The following SEMA4C variants were observed in gnomAD, a reference collection of about 807,000 sequenced individuals.
SEMA4C encodes the protein semaphorin 4C, also known as semaphorin-4C.
Under a neutral mutation model 89.0 loss-of-function variants are expected in SEMA4C, and 19 were observed. That is an observed-to-expected ratio of 0.21 (90% CI 0.15 to 0.31). The LOEUF (loss-of-function observed/expected upper bound fraction) is 0.31, where lower values mean the gene tolerates loss of function less well. Ranked by LOEUF, SEMA4C falls within the 10% of genes least tolerant of loss-of-function variation. The pLI is 1.00. For synonymous variants in SEMA4C, 428 were observed against 472.7 expected, an observed-to-expected ratio of 0.91 and a Z score of 1.23; for missense variants, 811 against 1,107.0, an observed-to-expected ratio of 0.73 and a Z score of 3.79.
At position 96,862,014 on chromosome 2, in the gene SEMA4C, G is replaced by A. The variant is rs536446065; in HGVS notation, c.1444-120C>T. On this transcript the variant is annotated intron_variant, in intron 12 of 14. Coordinates refer to ENST00000305476, the MANE Select transcript of SEMA4C (RefSeq NM_017789.5). ...TCCTGCAGGGGGCACAGCACGGGGC[G>A]CCAGAAGGAGGAACAAGGGAACAAG... The A allele has an allele frequency of 1.8e-3, 1,914 of 1,080,248 alleles. 7 individuals are homozygous for A. The highest frequency in any genetic ancestry group is 7.2e-3 in the Middle Eastern group (24 of 3,338). 66.9% of individuals were successfully genotyped at this position (1,080,248 alleles called of 1,614,324 possible). A position where few individuals can be genotyped will look rare whatever the true frequency, so the allele number is the denominator to read the frequency against.
upstream of SEMA4C, chr2:96,870,482 G>C: frequency 1.0e-6 from 1 of 957,698 alleles, no homozygotes; most frequent in South Asian, 4.8e-5. Flanking sequence ...GCCACGTCGA[G>C]GCGAGTATCC....
At chr2:96,867,688 C>T (rs2080112149) in intron 2 of SEMA4C, 90 bp downstream of exon 2, 1 of 1,295,470 alleles carries the variant, frequency 7.7e-7, no homozygotes, top group South Asian at 1.2e-5. Flanking sequence ...GAAAGCTGTG[C>T]CACACACGTG....
rs200653413 is a variant in SEMA4C at position 96,863,637 on chromosome 2, T to C, written c.1443+45A>G. 1.4e-5 allele frequency: 22 copies of C among 1,545,840 alleles called. No individual in the cohort carries two copies. The East Asian group carries it at 4.7e-4, about 33-fold the overall frequency. ...AAGCAGCCAGATGGAGAGAGTGAGA[T>C]GGGATAGTGCTGGGGACAGTGGCAG... On this transcript the variant is annotated intron_variant, in intron 12 of 14. Coordinates refer to ENST00000305476, the MANE Select transcript of SEMA4C (RefSeq NM_017789.5).
At chr2:96,867,695 C>T in intron 2 of SEMA4C, 83 bp downstream of exon 2, 6 of 1,341,566 alleles carry the variant, frequency 4.5e-6, no homozygotes, top group South Asian at 3.6e-5. Flanking sequence ...GTGCCACACA[C>T]GTGAGAATAA....
rs781126171 is a variant in SEMA4C, at chr2:96,864,890, G to A, written c.787-10C>T. 2.2e-5 allele frequency: 36 copies of A among 1,612,346 alleles called. No individual in the cohort carries two copies. Among genetic ancestry groups the A allele is most frequent in the South Asian group, 4.4e-5 (4 of 90,988 alleles). On this transcript the variant is annotated splice_polypyrimidine_tract_variant and intron_variant, in intron 8 of 14. Transcript: ENST00000305476. This position sits in a 1 kb window ranked among gnomAD's most constrained non-coding sequence, Gnocchi z 6.3. Reference sequence around the variant, plus strand: ...CGCCCCCCATATCGCCCTGGCAGACGGCAAGGGGACACTGCCGGTCAGCCC... The same window carrying A: ...CGCCCCCCATATCGCCCTGGCAGACAGCAAGGGGACACTGCCGGTCAGCCC...
At position 96,864,885 on chromosome 2, in the gene SEMA4C, C is replaced by A; in HGVS notation, c.787-5G>T. 1 of 1,612,494 alleles carries A rather than the reference C, an allele frequency of 6.2e-7. No individual in the cohort carries two copies. The highest frequency in any genetic ancestry group is 2.2e-5 in the East Asian group (1 of 44,856). ...CCGTGCGCCCCCCATATCGCCCTGG[C>A]AGACGGCAAGGGGACACTGCCGGTC... On this transcript the variant is annotated splice_region_variant and splice_polypyrimidine_tract_variant and intron_variant, in intron 8 of 14. Coordinates refer to ENST00000305476, the MANE Select transcript of SEMA4C (RefSeq NM_017789.5). The surrounding 1 kb of genome is among the most constrained non-coding windows in gnomAD (Gnocchi z 6.3).
At chr2:96,870,210 G>T, upstream of SEMA4C, 1 of 985,090 alleles carries the variant, frequency 1.0e-6, no homozygotes. Context: ...GGACCCGCCC[G>T]CTCTCCGCCC....
At chr2:96,869,033 G>A (rs902275272) in intron 1 of SEMA4C, 5 of 985,316 alleles carry the variant, frequency 5.1e-6, no homozygotes, top group East Asian at 1.1e-4. Context: ...CCCAGCTCCA[G>A]GGATTTGAAC....
intron 7 of SEMA4C, 30 bp downstream of exon 7, chr2:96,865,174 A>G (rs777510123): frequency 3.1e-6 from 5 of 1,609,184 alleles, no homozygotes; most frequent in Admixed American, 3.4e-5. Context: ...CCTCCCACCC[A>G]TGGCTCCCAC....
At chr2:96,865,406 G>C in intron 6 of SEMA4C, 35 bp downstream of exon 6, 1 of 1,610,772 alleles carries the variant, frequency 6.2e-7, no homozygotes, top group Non-Finnish European at 8.5e-7. Flanking sequence ...AAGCCCCAAG[G>C]ACTCACCCAG....
At chr2:96,868,279 G>T in intron 1 of SEMA4C, 1 of 480,918 alleles carries the variant, frequency 2.1e-6, no homozygotes, top group African/African-American at 2.0e-5. Flanking sequence ...TGAGTTTCTT[G>T]AAAGAACCTC....
rs746525387 is a variant in SEMA4C at position 96,860,495 on chromosome 2, C to T, written c.*131G>A. ...GCTGAGCAGAGCAGGTCCTCATGGCCGGGTGGGTGCTGGGCAGTATCTGTC... is the reference window on the plus strand; with the variant it reads ...GCTGAGCAGAGCAGGTCCTCATGGCTGGGTGGGTGCTGGGCAGTATCTGTC... On this transcript the variant is annotated 3_prime_UTR_variant, in exon 15 of 15. Coordinates refer to ENST00000305476, the MANE Select transcript of SEMA4C (RefSeq NM_017789.5). The T allele has an allele frequency of 8.0e-5, 65 of 813,864 alleles. No individual in the cohort carries two copies. The highest frequency in any genetic ancestry group is 6.7e-4 in the South Asian group (35 of 52,496). The allele number at this position is 813,864 out of a possible 1,614,324, so 50.4% of individuals were successfully genotyped here.
intron 12 of SEMA4C, chr2:96,863,439 GCTGGGAGCGCAGCCCC>G (rs1336858832): frequency 7.8e-6 from 10 of 1,287,272 alleles, no homozygotes; most frequent in Admixed American, 3.4e-5. Flanking sequence ...AAGGCTTGAT[GCTGGGAGCGCAGCCCC>G]GTGACCTGGC....
Position 96,865,063 on chromosome 2 carries a change from C to G in SEMA4C, c.687G>C (p.Thr229=), listed in dbSNP as rs574578827. 3 of 1,558,306 alleles carry G rather than the reference C, an allele frequency of 1.9e-6. No individual in the cohort carries two copies. Among genetic ancestry groups the G allele is most frequent in the South Asian group, 2.4e-5 (2 of 85,012 alleles). ...AGAAGTAGACCTTGTCGTCGTCCCC[C>G]GTGAAGCTGCCCACACTCTCAGGTA... is the stretch of plus-strand genomic sequence containing the variant. The part of the protein sequence containing the change: ...AYVPESVGSF[T]GDDDKVYFFF... The change falls in exon 8 of 15, where the codon ACG becomes ACC. Residue 229 remains threonine (T), a synonymous_variant. Transcript: ENST00000305476.
At chr2:96,870,579 G>A (rs939838807), upstream of SEMA4C, 1 of 985,402 alleles carries the variant, frequency 1.0e-6, no homozygotes, top group African/African-American at 1.7e-5. Context: ...CCTCTTTCTA[G>A]GCCCCGAGGA....
chr2:96,863,298 A>C, intron 12 of SEMA4C: 1 of 1,027,590 alleles, frequency 9.7e-7, no homozygotes, highest in Non-Finnish European at 1.2e-6. Context: ...AAGGAAAACC[A>C]CCATGGTGAG....
intron 2 of SEMA4C, chr2:96,867,020 C>T (rs1166906857): frequency 3.7e-5 from 8 of 214,780 alleles, no homozygotes; most frequent in Admixed American, 1.0e-4. Context: ...GCTCAGAGAG[C>T]GGAGATGGGG....
intron 2 of SEMA4C, 192 bp from the exon 3 acceptor site, chr2:96,866,623 C>A: frequency 1.3e-6 from 1 of 777,962 alleles, no homozygotes; most frequent in Non-Finnish European, 2.2e-6. Context: ...CCTTTCCCAG[C>A]CTGGGAGGAG....
Position 96,860,241 on chromosome 2 carries a change from A to C in SEMA4C, c.*385T>G. The C allele has an allele frequency of 5.0e-6, 1 of 198,752 alleles. No homozygotes were observed. Among genetic ancestry groups the C allele is most frequent in the Non-Finnish European group, 1.0e-5 (1 of 99,018 alleles). The allele number at this position is 198,752 out of a possible 1,614,324, so 12.3% of individuals were successfully genotyped here. On this transcript the variant is annotated 3_prime_UTR_variant, in exon 15 of 15. Coordinates refer to ENST00000305476, the MANE Select transcript of SEMA4C (RefSeq NM_017789.5). Reference sequence around the variant, plus strand: ...CACCAGGAGGACCCAGGCCAAGGGAAGACTTGACAGAAACAGGAAGGCTAT... The same window carrying C: ...CACCAGGAGGACCCAGGCCAAGGGACGACTTGACAGAAACAGGAAGGCTAT...
Sources: gnomAD v4.1 joint callset for allele counts on GRCh38, gnomAD v4.1.1 for gene constraint, Gnocchi (gnomAD v3.1) non-coding constraint, MANE v1.5 for transcripts, NCBI Gene and HGNC (gene_info 2026-07-23, HGNC 2026-07-21) for gene names.